The following RTTN variants were observed in gnomAD, a reference collection of about 807,000 sequenced individuals.
RTTN encodes the protein rotatin.
A neutral mutation model predicts 269.2 loss-of-function variants in RTTN; 182 were observed. That is an observed-to-expected ratio of 0.68 (90% CI 0.60 to 0.76). The LOEUF (loss-of-function observed/expected upper bound fraction) is 0.76, where lower values mean the gene tolerates loss of function less well. RTTN is among the 30% of genes least tolerant of loss of function. The probability of loss-of-function intolerance (pLI) is 0.00; values close to 1 mark genes in which losing one functional copy is unlikely to be tolerated. For missense variants in RTTN, 2,545 were observed against 2,608.6 expected (o/e 0.98, Z 0.53); for synonymous variants, 1,006 against 963.5 (o/e 1.04, Z -0.82).
At chr18:70,162,250 A>G (rs2060850666) in intron 14 of RTTN, among the ~76,000 whole-genome samples, 1 of 152,204 alleles carries the variant, frequency 6.6e-6, no homozygotes, top group Non-Finnish European at 1.5e-5. Flanking sequence ...TAAGTGAATT[A>G]ACACAGAAAA....
intron 25 of RTTN, among the ~76,000 whole-genome samples, chr18:70,124,743 G>A (rs555247914): frequency 5.3e-4 from 81 of 152,180 alleles, no homozygotes; most frequent in African/African-American, 1.8e-3. Context: ...GCACACCATG[G>A]AAGAGAACCC....
rs775439626 is a variant in RTTN, at chr18:70,051,585, CAAAG to C, written c.5186-41_5186-38del. 4.0e-6 allele frequency: 6 copies of C among 1,494,800 alleles called. No homozygotes were observed. The African/African-American group carries it at 8.5e-5, about 21-fold the overall frequency. The allele number at this position is 1,494,800 out of a possible 1,614,324, so 92.6% of individuals were successfully genotyped here. On this transcript the variant is annotated intron_variant, in intron 38 of 48. Transcript: ENST00000640769. The stretch of plus-strand genomic sequence containing the variant: ...ATCAAAACACTTCAAGTTATTAACA[CAAAG>C]AAGGAAAAGAACCTTTCAAGATATA...
chr18:70,059,854 A>G lies in RTTN; in HGVS notation c.4936T>C (p.Cys1646Arg). ...CTAGGAGTATTTATCTCTTACCTAC[A>G]GAGAAGTTCTATGAGATGAGCTTGT... ...FRQAHLIELL[C>R]SIADATLIQT... The change falls in exon 36 of 49, where the codon TGT becomes CGT. Residue 1646 changes from cysteine (C) to arginine (R), a missense_variant. Coordinates refer to ENST00000640769, the MANE Select transcript of RTTN (RefSeq NM_173630.4). 6.3e-7 allele frequency: 1 copy of G among 1,596,424 alleles called. No homozygotes were observed. Among genetic ancestry groups the G allele is most frequent in the Non-Finnish European group, 8.5e-7 (1 of 1,170,636 alleles).
At chr18:70,120,589 T>G (rs1282178050) in intron 26 of RTTN, among the ~76,000 whole-genome samples, 1 of 152,178 alleles carries the variant, frequency 6.6e-6, no homozygotes, top group African/African-American at 2.4e-5. Flanking sequence ...TTTCTTCTTA[T>G]TTGTGTAAAG....
intron 28 of RTTN, among the ~76,000 whole-genome samples, chr18:70,097,987 C>T (rs970167579): frequency 6.6e-6 from 1 of 152,144 alleles, no homozygotes; most frequent in Non-Finnish European, 1.5e-5. Context: ...GAGTAAAACT[C>T]ATTTTCTAGA....
intron 35 of RTTN, among the ~76,000 whole-genome samples, chr18:70,063,575 AATG>A (rs2058050107): frequency 6.6e-6 from 1 of 152,208 alleles, no homozygotes; most frequent in South Asian, 2.1e-4. Flanking sequence ...CTTAAAAAAT[AATG>A]ATAAATCTTT....
In RTTN at chr18:70,028,774, T is replaced by G. The variant is rs767699572; in HGVS notation, c.5773A>C (p.Ile1925Leu). 2.5e-6 allele frequency: 4 copies of G among 1,612,002 alleles called. No homozygotes were observed. In the African/African-American group the frequency reaches 5.3e-5, roughly 22 times the overall value. Residue 1925 changes from isoleucine (I) to leucine (L), a missense_variant, in exon 43 of 49, where the codon ATT becomes CTT. Physicochemically the swap from Ile to Leu is conservative, Grantham distance 5. Coordinates refer to ENST00000640769, the MANE Select transcript of RTTN (RefSeq NM_173630.4). ...CAGTTTCTTAGGAGCTGCATGGCAA[T>G]GCTTAACTCTTTAATAACACCATCC... ...KEDGVIKELS[I>L]AMQLLRNCLY...
intron 25 of RTTN, among the ~76,000 whole-genome samples, chr18:70,122,809 T>G (rs1305819392): frequency 2.6e-5 from 4 of 152,100 alleles, no homozygotes; most frequent in African/African-American, 9.7e-5. Flanking sequence ...AATTGAGAGG[T>G]GATTCTAACA....
At chr18:70,133,534 G>C (rs2060048993) in intron 23 of RTTN, among the ~76,000 whole-genome samples, 1 of 152,116 alleles carries the variant, frequency 6.6e-6, no homozygotes, top group South Asian at 2.1e-4. Flanking sequence ...TTCTTAGACA[G>C]AATACTACAT....
chr18:70,151,184 T>C (rs1357010907), intron 14 of RTTN, among the ~76,000 whole-genome samples: 1 of 147,986 alleles, frequency 6.8e-6, no homozygotes, highest in Admixed American at 6.8e-5. Context: ...ATATAAAGAA[T>C]ACATATTTTA....
intron 7 of RTTN, among the ~76,000 whole-genome samples, chr18:70,195,250 C>A (rs764206719): frequency 1.3e-5 from 2 of 152,256 alleles, no homozygotes; most frequent in Non-Finnish European, 2.9e-5. Context: ...GAACACTCTT[C>A]TTGCAGCTCT....
chr18:70,088,086 G>A lies in RTTN; in HGVS notation c.4205C>T (p.Ala1402Val), dbSNP rs372518702. 6.2e-7 allele frequency: 1 copy of A among 1,613,778 alleles called. No individual in the cohort carries two copies. Among genetic ancestry groups the A allele is most frequent in the African/African-American group, 1.3e-5 (1 of 74,902 alleles). The change falls in exon 31 of 49, where the codon GCC becomes GTC. Residue 1402 changes from alanine to valine, a missense_variant. Physicochemically the swap from Ala to Val is moderately conservative, Grantham distance 64 (BLOSUM62 0). Transcript: ENST00000640769. ...ALTTLETGCV[A>V]LANSCQNISG... is the part of the protein sequence containing the mutation. ...AATGTTCTGACAACTGTTTGCTAAG[G>A]CCACACAGCCCGTTTCAAGGGTGGT...
intron 42 of RTTN, among the ~76,000 whole-genome samples, chr18:70,029,126 C>G (rs1422949859): frequency 7.2e-6 from 1 of 137,960 alleles, no homozygotes; most frequent in Non-Finnish European, 1.5e-5. Flanking sequence ...CTGACTTTCT[C>G]AATGATGAAG....
intron 14 of RTTN, among the ~76,000 whole-genome samples, chr18:70,152,680 TA>T (rs1237442263): frequency 6.6e-6 from 1 of 152,146 alleles, no homozygotes; most frequent in Non-Finnish European, 1.5e-5. Flanking sequence ...GATCACTCTC[TA>T]TCTCCTACTC....
chr18:70,024,572 C>G, intron 44 of RTTN, 150 bp downstream of exon 44: 1 of 664,154 alleles, frequency 1.5e-6, no homozygotes, highest in South Asian at 2.0e-5. Flanking sequence ...TCTCATAATA[C>G]CTACGAGAAA....
At chr18:70,156,333 C>T (rs572229699) in intron 14 of RTTN, among the ~76,000 whole-genome samples, 4 of 152,212 alleles carry the variant, frequency 2.6e-5, no homozygotes, top group South Asian at 4.1e-4. Flanking sequence ...GCCCCAGTCT[C>T]CCATAGCGCT....
chr18:70,057,777 G>A lies in RTTN; in HGVS notation c.4996C>T (p.Pro1666Ser). The change falls in exon 37 of 49, where the codon CCT becomes TCT. Residue 1666 changes from proline (P) to serine (S), a missense_variant. Transcript: ENST00000640769. ...GTGTGTTCAGCTGGAGGTGATGAAG[G>A]CAGCAGGGCTCTGAGTTCCTGGACA... ...TCVQELRALL[P>S]SSPPAEHTQA... The A allele has an allele frequency of 6.2e-7, 1 of 1,613,824 alleles. No homozygotes were observed. Among genetic ancestry groups the A allele is most frequent in the Non-Finnish European group, 8.5e-7 (1 of 1,179,802 alleles).
rs2061724186 is a variant in RTTN at position 70,193,264 on chromosome 18, C to A, written c.1007+24G>T. 4 of 1,592,826 alleles carry A rather than the reference C, an allele frequency of 2.5e-6. No homozygotes were observed. In the Admixed American group the frequency reaches 7.0e-5, roughly 28 times the overall value. The stretch of plus-strand genomic sequence containing the variant: ...CAAGTTAACCGGCATTTCTCATTTC[C>A]CCAGAGACACTGCTAGCAGTCACCT... On this transcript the variant is annotated intron_variant, in intron 8 of 48. Transcript: ENST00000640769.
chr18:70,095,507 C>G lies in RTTN; in HGVS notation c.3904-2703G>C, dbSNP rs1029112282. ...AAGGCAGGCCTGGTGGTGACAAAAT[C>G]TCTCAGCATTTGCTTGTCTGTAAAG... On this transcript the variant is annotated intron_variant, in intron 28 of 48. Coordinates refer to ENST00000640769, the MANE Select transcript of RTTN (RefSeq NM_173630.4). 1.3e-5 allele frequency among the ~76,000 whole-genome samples: 2 copies of G among 152,144 alleles called. 1 individual carries two copies. The highest frequency in any genetic ancestry group is 2.9e-5 in the Non-Finnish European group (2 of 68,036).
Sources: allele counts gnomAD v4.1 joint callset (sites outside exome capture counted in the v4.1 genomes callset), GRCh38; gene constraint gnomAD v4.1.1; transcripts MANE v1.5; gene names NCBI Gene and HGNC (gene_info 2026-07-23, HGNC 2026-07-21).